MAP3K20: variants seen among roughly 807,000 people sequenced by gnomAD.
The protein encoded by MAP3K20 is mitogen-activated protein kinase kinase kinase 20, also known as HCCS-4.
In MAP3K20, 40 loss-of-function variants were observed where a neutral mutation model predicts 85.7. The observed-to-expected ratio is 0.47, with a 90% CI of 0.36 to 0.61. The LOEUF (loss-of-function observed/expected upper bound fraction) is 0.61. MAP3K20 is among the 20% of genes least tolerant of loss of function. MAP3K20 has a pLI of 0.00. For synonymous variants in MAP3K20, 325 were observed against 327.7 expected (o/e 0.99, Z 0.09); for missense variants, 817 against 961.7 (o/e 0.85, Z 1.99).
intron 2 of MAP3K20, among the ~76,000 whole-genome samples, chr2:173,163,862 A>G (rs1410934443): frequency 2.0e-5 from 3 of 152,230 alleles, no homozygotes; most frequent in Non-Finnish European, 2.9e-5. Flanking sequence ...AGAAATCTCC[A>G]AACTGCCTTT....
intron 8 of MAP3K20, among the ~76,000 whole-genome samples, chr2:173,201,876 T>C (rs1001836784): frequency 6.6e-6 from 1 of 152,194 alleles, no homozygotes; most frequent in Admixed American, 6.5e-5. Flanking sequence ...TTAAAATAAT[T>C]GTGTTTCCTT....
intron 1 of MAP3K20, among the ~76,000 whole-genome samples, chr2:173,082,591 G>T (rs1687041062): frequency 6.6e-6 from 1 of 152,196 alleles, no homozygotes. Flanking sequence ...TAGGTGGGAG[G>T]TAGCGAACTG....
chr2:173,116,577 G>T (rs1350959232), intron 2 of MAP3K20, among the ~76,000 whole-genome samples: 2 of 152,092 alleles, frequency 1.3e-5, no homozygotes, highest in African/African-American at 4.8e-5. Context: ...TACTTAAATT[G>T]CTTTGGCCGC....
chr2:173,157,224 G>C (rs1049901338), intron 2 of MAP3K20, among the ~76,000 whole-genome samples: 8 of 151,968 alleles, frequency 5.3e-5, no homozygotes, highest in African/African-American at 1.5e-4. Flanking sequence ...TGTAGTTGAG[G>C]ACTAGAAAGA....
At chr2:173,152,192 T>G (rs1689327730) in intron 2 of MAP3K20, among the ~76,000 whole-genome samples, 1 of 152,230 alleles carries the variant, frequency 6.6e-6, no homozygotes, top group South Asian at 2.1e-4. Flanking sequence ...TTAATAAATG[T>G]CTCAGGCTGC....
intron 2 of MAP3K20, among the ~76,000 whole-genome samples, chr2:173,144,477 A>G (rs1420744873): frequency 6.0e-5 from 9 of 150,642 alleles, no homozygotes; most frequent in Non-Finnish European, 7.4e-5. Flanking sequence ...AAAAAAAAAA[A>G]AAAAAAAAGA....
intron 10 of MAP3K20, among the ~76,000 whole-genome samples, chr2:173,213,570 TA>T (rs1299987017): frequency 2.0e-5 from 3 of 152,220 alleles, no homozygotes. Flanking sequence ...ATAGCAACCC[TA>T]AATTATATCA....
chr2:173,186,586 G>A (rs1690492331), intron 4 of MAP3K20, among the ~76,000 whole-genome samples: 1 of 151,910 alleles, frequency 6.6e-6, no homozygotes, highest in African/African-American at 2.4e-5. Context: ...CTCTCTATAT[G>A]CTTTAAAAAG....
intron 10 of MAP3K20, chr2:173,210,890 C>T (rs192878836): frequency 6.6e-6 from 1 of 151,972 alleles, no homozygotes; most frequent in African/African-American, 2.4e-5. Context: ...TTACAATAAC[C>T]TTATTTATTT....
At chr2:173,221,989 G>GA in intron 11 of MAP3K20, 5 of 985,362 alleles carry the variant, frequency 5.1e-6, no homozygotes, top group Non-Finnish European at 6.0e-6. Context: ...GCAATACACT[G>GA]TAATATCAGA....
intron 2 of MAP3K20, among the ~76,000 whole-genome samples, chr2:173,120,987 G>T (rs1201819456): frequency 6.6e-6 from 1 of 151,374 alleles, no homozygotes; most frequent in Non-Finnish European, 1.5e-5. Flanking sequence ...GATTACAGGC[G>T]TGAGCCACTG....
intron 16 of MAP3K20, among the ~76,000 whole-genome samples, chr2:173,255,697 T>C (rs1454540678): frequency 6.6e-6 from 1 of 152,110 alleles, no homozygotes; most frequent in Non-Finnish European, 1.5e-5. Context: ...GAGATGAGAG[T>C]GAAGCAGGGG....
chr2:173,213,620 T>A lies in MAP3K20; in HGVS notation c.852-3495T>A, dbSNP rs547730557. On this transcript the variant is annotated intron_variant, in intron 10 of 19. Coordinates refer to ENST00000375213, the MANE Select transcript of MAP3K20 (RefSeq NM_016653.3). ...AAATTGAGTAACTTGCTCAAAATCA[T>A]ACAGAACTGAGAACAGAACCCAGTA... is the stretch of plus-strand genomic sequence containing the variant. Among the ~76,000 whole-genome samples, 16 of 152,286 alleles carry A rather than the reference T, an allele frequency of 1.1e-4. No individual in the cohort carries two copies. In the South Asian group the frequency reaches 1.2e-3, roughly 12 times the overall value.
chr2:173,183,024 A>C, intron 4 of MAP3K20, 69 bp downstream of exon 4: 2 of 1,212,460 alleles, frequency 1.6e-6, no homozygotes, highest in South Asian at 2.8e-5. Flanking sequence ...TGGGGACTTA[A>C]CATCAGAAAA....
chr2:173,264,010 T>G (rs1400784722), intron 19 of MAP3K20, 115 bp downstream of exon 19: 3 of 1,401,188 alleles, frequency 2.1e-6, no homozygotes, highest in African/African-American at 2.9e-5. Context: ...GATCTATCTT[T>G]GAGCTTCGAG....
chr2:173,238,570 C>T, intron 15 of MAP3K20, 135 bp downstream of exon 15: 1 of 746,930 alleles, frequency 1.3e-6, no homozygotes, highest in Non-Finnish European at 2.2e-6. Context: ...TAACAAAAGG[C>T]CCTTTGAAGC....
chr2:173,149,266 A>T (rs1156628857), intron 2 of MAP3K20, among the ~76,000 whole-genome samples: 2 of 152,236 alleles, frequency 1.3e-5, no homozygotes, highest in Admixed American at 1.3e-4. Flanking sequence ...AACCCTGTGA[A>T]TATGAGACCA....
In MAP3K20 at chr2:173,101,891, C is replaced by T. The variant is rs111603607; in HGVS notation, c.159+10701C>T. Among the ~76,000 whole-genome samples, 1,031 of 152,260 alleles carry T rather than the reference C, an allele frequency of 6.8e-3. 6 individuals carry two copies. The highest frequency in any genetic ancestry group is 8.2e-3 in the Non-Finnish European group (560 of 68,022). Reference sequence around the variant, plus strand: ...TTCACTGATGCTTGACTCATACTCCCGGTTAGGACATCCAGTTTCTGTTTG... The same window carrying T: ...TTCACTGATGCTTGACTCATACTCCTGGTTAGGACATCCAGTTTCTGTTTG... On this transcript the variant is annotated intron_variant, in intron 2 of 19. Transcript: ENST00000375213.
chr2:173,211,943 T>C (rs906045107), intron 10 of MAP3K20: 4 of 152,146 alleles, frequency 2.6e-5, no homozygotes, highest in Non-Finnish European at 4.4e-5. Flanking sequence ...GGCAGTTAGT[T>C]GTTTAATGTG....
Sources: gnomAD v4.1 joint callset for allele counts (sites outside exome capture counted in the v4.1 genomes callset) on GRCh38, gnomAD v4.1.1 for gene constraint, MANE v1.5 for transcripts, NCBI Gene and HGNC (gene_info 2026-07-23, HGNC 2026-07-21) for gene names.